The following DLC1 variants were observed in gnomAD, a reference collection of about 807,000 sequenced individuals.
The protein encoded by DLC1 is rho GTPase-activating protein 7.
DLC1 carries 54 observed loss-of-function variants against 140.3 expected under a neutral mutation model. The observed-to-expected ratio is 0.38, with a 90% CI of 0.31 to 0.48. The LOEUF (loss-of-function observed/expected upper bound fraction) is 0.48, where lower values mean the gene tolerates loss of function less well. DLC1 is among the 20% of genes least tolerant of loss of function. DLC1 has a pLI of 0.96. For synonymous variants in DLC1, 986 were observed against 728.1 expected (o/e 1.35, Z -5.70); for missense variants, 2,536 against 1,907.0 (o/e 1.33, Z -6.14).
intron 5 of DLC1, among the ~76,000 whole-genome samples, chr8:13,146,325 C>T (rs1208308565): frequency 6.6e-6 from 1 of 151,434 alleles, no homozygotes; most frequent in Admixed American, 6.6e-5. Context: ...TAATATCACA[C>T]TGATATTTTG....
intron 4 of DLC1, among the ~76,000 whole-genome samples, chr8:13,381,882 A>G (rs1836278199): frequency 6.6e-6 from 1 of 152,176 alleles, no homozygotes; most frequent in South Asian, 2.1e-4. Context: ...CAAAAAAACT[A>G]AAAACTGACA....
At chr8:13,198,585 T>C (rs1258829111) in intron 5 of DLC1, among the ~76,000 whole-genome samples, 1 of 152,236 alleles carries the variant, frequency 6.6e-6, no homozygotes, top group African/African-American at 2.4e-5. Context: ...TTGGGTTGGC[T>C]TTGAGATTTC....
intron 5 of DLC1, among the ~76,000 whole-genome samples, chr8:13,213,406 C>T (rs141932579): frequency 5.9e-5 from 9 of 152,282 alleles, no homozygotes; most frequent in African/African-American, 2.2e-4. Flanking sequence ...AGAATAATGT[C>T]TTCCCAAGTT....
chr8:13,571,018 A>G (rs1294798453), intron 1 of DLC1, among the ~76,000 whole-genome samples: 1 of 152,166 alleles, frequency 6.6e-6, no homozygotes, highest in South Asian at 2.1e-4. Context: ...ACCCACCAGA[A>G]GTATTTCTGT....
chr8:13,263,936 A>G (rs1830573022), intron 5 of DLC1, among the ~76,000 whole-genome samples: 1 of 152,014 alleles, frequency 6.6e-6, no homozygotes, highest in Non-Finnish European at 1.5e-5. Context: ...AATAATATTC[A>G]TAACAGCAAA....
intron 16 of DLC1, among the ~76,000 whole-genome samples, chr8:13,087,462 C>T (rs1817660094): frequency 6.6e-6 from 1 of 152,226 alleles, no homozygotes; most frequent in Non-Finnish European, 1.5e-5. Context: ...AACTTCCCAG[C>T]CTTTAGAACC....
chr8:13,374,759 G>T (rs1459689965), intron 4 of DLC1, among the ~76,000 whole-genome samples: 2 of 152,194 alleles, frequency 1.3e-5, no homozygotes, highest in Admixed American at 1.3e-4. Context: ...TCCAGTCTGG[G>T]TGACAGAGAG....
At chr8:13,352,419 G>C (rs1365985351) in intron 4 of DLC1, among the ~76,000 whole-genome samples, 2 of 152,068 alleles carry the variant, frequency 1.3e-5, no homozygotes, top group Non-Finnish European at 2.9e-5. Context: ...GTCTTGCTCT[G>C]TCACTCAGCT....
intron 5 of DLC1, among the ~76,000 whole-genome samples, chr8:13,187,127 T>A (rs1433596741): frequency 6.7e-6 from 1 of 148,626 alleles, no homozygotes; most frequent in African/African-American, 2.5e-5. Context: ...ATTCCCCTTC[T>A]CCTCCCCACC....
intron 3 of DLC1, among the ~76,000 whole-genome samples, chr8:13,395,269 A>T (rs1320687959): frequency 1.3e-5 from 2 of 151,742 alleles, no homozygotes; most frequent in Non-Finnish European, 2.9e-5. Flanking sequence ...TTACAGGTGC[A>T]CACCACCACA....
chr8:13,162,543 G>C (rs373946282), intron 5 of DLC1, among the ~76,000 whole-genome samples: 1 of 152,172 alleles, frequency 6.6e-6, no homozygotes, highest in Non-Finnish European at 1.5e-5. Flanking sequence ...GGCTGGTCTT[G>C]AGCTCCTGAC....
Position 13,567,793 on chromosome 8 carries a change from A to T in DLC1, c.-126+36744T>A, listed in dbSNP as rs146773735. Reference sequence around the variant, plus strand: ...AATAATCTGGAAAAGACTGACTGAGAAAAGTCATATCAGATACTCTGGTTT... The same window carrying T: ...AATAATCTGGAAAAGACTGACTGAGTAAAGTCATATCAGATACTCTGGTTT... On this transcript the variant is annotated intron_variant, in intron 1 of 1. Coordinates refer to the DLC1 transcript ENST00000631382. 13 of 1,551,886 alleles carry T rather than the reference A, an allele frequency of 8.4e-6. No individual in the cohort carries two copies. In the African/African-American group the frequency reaches 1.8e-4, roughly 21 times the overall value.
chr8:13,225,161 G>A (rs1343809742), intron 5 of DLC1, among the ~76,000 whole-genome samples: 2 of 152,148 alleles, frequency 1.3e-5, no homozygotes, highest in African/African-American at 2.4e-5. Context: ...ATAGGCTTGT[G>A]TAAAAGTGGG....
Position 13,576,719 on chromosome 8 carries a change from C to G in DLC1, c.-126+27818G>C, listed in dbSNP as rs146235302. On this transcript the variant is annotated intron_variant, in intron 1 of 1. Transcript: ENST00000631382. Reference sequence around the variant, plus strand: ...TCCTCAGTGAGTGTGTCAAATGAATCTCCCCAGAGTAGGGTATGATCAGTA... The same window carrying G: ...TCCTCAGTGAGTGTGTCAAATGAATGTCCCCAGAGTAGGGTATGATCAGTA... Among the ~76,000 whole-genome samples, 186 of 152,214 alleles carry G rather than the reference C, an allele frequency of 1.2e-3. 1 individual carries two copies. Among genetic ancestry groups the G allele is most frequent in the African/African-American group, 4.2e-3 (176 of 41,532 alleles).
At position 13,088,343 on chromosome 8, in the gene DLC1, G is replaced by A. The variant is rs694968; in HGVS notation, c.4292+144C>T. ...GTGATCCTCCCACCTTGGCCTCCCA[G>A]AGTGCTGGGATTACAGGTGTGAGCC... On this transcript the variant is annotated intron_variant, in intron 16 of 17. Transcript: ENST00000276297. 80,346 of 967,816 alleles carry A rather than the reference G, an allele frequency of 0.083. 7,862 individuals are homozygous for A. The highest frequency in any genetic ancestry group is 0.43 in the African/African-American group (26,102 of 60,396). The allele number at this position is 967,816 out of a possible 1,614,324, so 60.0% of individuals were successfully genotyped here.
chr8:13,438,026 T>A (rs971171492), intron 2 of DLC1, among the ~76,000 whole-genome samples: 8 of 151,884 alleles, frequency 5.3e-5, no homozygotes, highest in African/African-American at 1.9e-4. Context: ...CTACCTCTTT[T>A]TTTTTTTTTT....
intron 1 of DLC1, among the ~76,000 whole-genome samples, chr8:13,537,562 C>T (rs1008031200): frequency 6.6e-6 from 1 of 151,112 alleles, no homozygotes; most frequent in East Asian, 1.9e-4. Flanking sequence ...GGTAAAGGAT[C>T]AGTGCAGAGT....
chr8:13,348,230 C>T (rs886340184), intron 4 of DLC1, among the ~76,000 whole-genome samples: 19 of 152,128 alleles, frequency 1.2e-4, no homozygotes, highest in Non-Finnish European at 2.5e-4. Context: ...TACAGCCTGG[C>T]TTCCGTGTGA....
At chr8:13,503,700 T>A (rs1352846344) in intron 1 of DLC1, among the ~76,000 whole-genome samples, 1 of 152,212 alleles carries the variant, frequency 6.6e-6, no homozygotes, top group Non-Finnish European at 1.5e-5. Context: ...TCACTATTCA[T>A]CAAGCATTTA....
Sources: allele counts gnomAD v4.1 joint callset (sites outside exome capture counted in the v4.1 genomes callset), GRCh38; gene constraint gnomAD v4.1.1; transcripts MANE v1.5; gene names NCBI Gene and HGNC (gene_info 2026-07-23, HGNC 2026-07-21).